ZBTB26: variants seen among roughly 807,000 people sequenced by gnomAD.
The protein encoded by ZBTB26 is zinc finger and BTB domain containing 26, also known as zinc finger and BTB domain-containing protein 26.
In ZBTB26, 12 loss-of-function variants were observed where a neutral mutation model predicts 31.6. The ratio of observed to expected loss-of-function variants is 0.38; its 90% CI spans 0.24 to 0.61. The LOEUF (loss-of-function observed/expected upper bound fraction) is 0.61. Ranked by LOEUF, ZBTB26 falls within the 20% of genes least tolerant of loss-of-function variation. ZBTB26 has a pLI of 0.60. For synonymous variants in ZBTB26, 155 were observed against 182.9 expected (o/e 0.85, Z 1.23); for missense variants, 311 against 521.9 (o/e 0.60, Z 3.94).
intron 1 of ZBTB26, among the ~76,000 whole-genome samples, chr9:122,923,817 T>C (rs1833137494): frequency 6.6e-6 from 1 of 152,196 alleles, no homozygotes; most frequent in Non-Finnish European, 1.5e-5. Context: ...TAGTCATGTG[T>C]CATATGACAG....
chr9:122,926,134 ATCTG>A (rs1833174669), intron 1 of ZBTB26, among the ~76,000 whole-genome samples: 1 of 151,970 alleles, frequency 6.6e-6, no homozygotes, highest in African/African-American at 2.4e-5. Context: ...ACCTCAGGTA[ATCTG>A]TCTGCCTCAG....
At chr9:122,923,561 T>C (rs1170135811) in intron 1 of ZBTB26, among the ~76,000 whole-genome samples, 1 of 152,226 alleles carries the variant, frequency 6.6e-6, no homozygotes, top group Non-Finnish European at 1.5e-5. Context: ...ATGTTCCAAT[T>C]TGTAACCAGA....
At chr9:122,930,487 A>G (rs1245548623) in intron 1 of ZBTB26, among the ~76,000 whole-genome samples, 1 of 152,232 alleles carries the variant, frequency 6.6e-6, no homozygotes, top group Non-Finnish European at 1.5e-5. Flanking sequence ...CCTAACTTTT[A>G]GCTAAATGTC....
intron 1 of ZBTB26, among the ~76,000 whole-genome samples, chr9:122,921,278 C>T (rs1347839471): frequency 6.6e-6 from 1 of 152,208 alleles, no homozygotes; most frequent in Non-Finnish European, 1.5e-5. Flanking sequence ...TTCCAGTCCA[C>T]TAGTCACTGT....
rs1455528577 is a variant in ZBTB26, at chr9:122,919,111, C to T, written c.824G>A (p.Cys275Tyr). ...ACGAAACACCCTGGTACACTTTGGG[C>T]ACTGGTGATGCCACTGTAGGCCTTT... The part of the protein sequence containing the change: ...VDKGLQWHHQ[C>Y]PKCTRVFRHL... The change falls in exon 2 of 2, where the codon TGC becomes TAC. Residue 275 changes from cysteine to tyrosine, a missense_variant. Transcript: ENST00000373656. This position sits in a 1 kb window ranked among gnomAD's most constrained non-coding sequence, Gnocchi z 6.1. 1 of 1,614,172 alleles carries T rather than the reference C, an allele frequency of 6.2e-7. No homozygotes were observed. Among genetic ancestry groups the T allele is most frequent in the South Asian group, 1.1e-5 (1 of 91,078 alleles).
chr9:122,930,666 A>T (rs1272108171), intron 1 of ZBTB26, among the ~76,000 whole-genome samples: 2 of 152,156 alleles, frequency 1.3e-5, no homozygotes, highest in Non-Finnish European at 2.9e-5. Context: ...CGACTTTCCC[A>T]GTCTCATATC....
At chr9:122,929,829 TCCCCTC>T (rs2131543101) in intron 1 of ZBTB26, among the ~76,000 whole-genome samples, 1 of 152,236 alleles carries the variant, frequency 6.6e-6, no homozygotes. Context: ...TGCAATACTC[TCCCCTC>T]CCCCAAGTCT....
At chr9:122,921,522 A>G (rs1833098940) in intron 1 of ZBTB26, among the ~76,000 whole-genome samples, 2 of 152,254 alleles carry the variant, frequency 1.3e-5, no homozygotes, top group Admixed American at 6.5e-5. Context: ...TTCTGTAACA[A>G]TGGATATCAG....
chr9:122,929,931 C>T (rs1279699822), intron 1 of ZBTB26, among the ~76,000 whole-genome samples: 1 of 152,148 alleles, frequency 6.6e-6, no homozygotes, highest in Non-Finnish European at 1.5e-5. Flanking sequence ...TGCTGTAACC[C>T]TGCACTCCTA....
At chr9:122,924,045 T>G (rs1475041822) in intron 1 of ZBTB26, among the ~76,000 whole-genome samples, 1 of 152,224 alleles carries the variant, frequency 6.6e-6, no homozygotes, top group African/African-American at 2.4e-5. Context: ...CATCTAGGTT[T>G]GCATTAAGTA....
At chr9:122,929,859 A>G (rs1833241088) in intron 1 of ZBTB26, among the ~76,000 whole-genome samples, 1 of 152,214 alleles carries the variant, frequency 6.6e-6, no homozygotes. Flanking sequence ...GATGCTCTGC[A>G]TGAATTGATC....
At chr9:122,921,140 T>C (rs1833091945) in intron 1 of ZBTB26, among the ~76,000 whole-genome samples, 1 of 152,262 alleles carries the variant, frequency 6.6e-6, no homozygotes, top group Non-Finnish European at 1.5e-5. Flanking sequence ...GATTCCTTTA[T>C]ATAGCAATTC....
intron 1 of ZBTB26, among the ~76,000 whole-genome samples, chr9:122,930,835 C>A (rs764041689): frequency 9.2e-5 from 14 of 152,228 alleles, no homozygotes; most frequent in Admixed American, 2.6e-4. Flanking sequence ...AAAGCCTTCT[C>A]AGCAACGGCC....
intron 1 of ZBTB26, among the ~76,000 whole-genome samples, chr9:122,926,722 T>A (rs1260237324): frequency 6.6e-6 from 1 of 152,256 alleles, no homozygotes; most frequent in East Asian, 1.9e-4. Flanking sequence ...CAAGCATATA[T>A]GTATTAGTCA....
At position 122,917,024 on chromosome 9, in the gene ZBTB26, A is replaced by G. The variant is rs1157470020; in HGVS notation, c.*1585T>C. ...CATTATTCTTGCTTTTTCCCTCCCT[A>G]AACAAACCTAGCAAATCACTCACTT... is the stretch of plus-strand genomic sequence containing the variant. On this transcript the variant is annotated 3_prime_UTR_variant, in exon 2 of 2. Transcript: ENST00000373656. 6.6e-6 allele frequency: 1 copy of G among 152,174 alleles called. No homozygotes were observed. Among genetic ancestry groups the G allele is most frequent in the Non-Finnish European group, 1.5e-5 (1 of 68,022 alleles). The allele number at this position is 152,174 out of a possible 1,614,324, so 9.4% of individuals were successfully genotyped here. A position where few individuals can be genotyped will look rare whatever the true frequency, so the allele number is the denominator to read the frequency against.
Position 122,918,592 on chromosome 9 carries a change from G to A in ZBTB26, c.*17C>T. 1.9e-6 allele frequency: 3 copies of A among 1,597,170 alleles called. No homozygotes were observed. Among genetic ancestry groups the A allele is most frequent in the South Asian group, 1.1e-5 (1 of 88,294 alleles). On this transcript the variant is annotated 3_prime_UTR_variant, in exon 2 of 2. Transcript: ENST00000373656. ...CACATTGTCAGTCAGTTCGAGTTGT[G>A]AGCATGAAGCCCCTACTCAATTCAC...
rs1833025255 is a variant in ZBTB26, at chr9:122,917,078, C to T, written c.*1531G>A. The T allele has an allele frequency of 6.6e-6, 1 of 152,142 alleles. No homozygotes were observed. Among genetic ancestry groups the T allele is most frequent in the African/African-American group, 2.4e-5 (1 of 41,424 alleles). The allele number at this position is 152,142 out of a possible 1,614,324, so 9.4% of individuals were successfully genotyped here. On this transcript the variant is annotated 3_prime_UTR_variant, in exon 2 of 2. Coordinates refer to ENST00000373656, the MANE Select transcript of ZBTB26 (RefSeq NM_020924.4). The stretch of plus-strand genomic sequence containing the variant: ...TGGGAAGAATATAATATTCATCTAA[C>T]TAAAAAATAATTAATATAAATCCCT...
rs761252744 is a variant in ZBTB26, at chr9:122,919,235, G to GTTCTAT, written c.694_699dup (p.Ile232_Glu233dup). On this transcript the variant is annotated inframe_insertion, in exon 2 of 2. Transcript: ENST00000373656. This position sits in a 1 kb window ranked among gnomAD's most constrained non-coding sequence, Gnocchi z 6.1. ...AGGGCATAATTGTGGAGATGGTTTT[G>GTTCTAT]TTCTATTTCACTTACTCTGTTTTCC... is the stretch of plus-strand genomic sequence containing the variant. The GTTCTAT allele has an allele frequency of 6.2e-7, 1 of 1,614,212 alleles. No homozygotes were observed. Among genetic ancestry groups the GTTCTAT allele is most frequent in the Non-Finnish European group, 8.5e-7 (1 of 1,180,034 alleles).
chr9:122,928,248 C>A (rs1347130627), intron 1 of ZBTB26, among the ~76,000 whole-genome samples: 3 of 152,022 alleles, frequency 2.0e-5, no homozygotes, highest in African/African-American at 7.2e-5. Context: ...TTTTTTCACT[C>A]ATTGTTTTTG....
Sources: allele counts gnomAD v4.1 joint callset (sites outside exome capture counted in the v4.1 genomes callset), GRCh38; gene constraint gnomAD v4.1.1; non-coding constraint Gnocchi (gnomAD v3.1); transcripts MANE v1.5; gene names NCBI Gene and HGNC (gene_info 2026-07-23, HGNC 2026-07-21).